Variants in ASPSCR1 observed in about 807,000 individuals in gnomAD.
ASPSCR1 encodes tether containing UBX domain for GLUT4.
ASPSCR1 carries 55 observed loss-of-function variants against 68.9 expected under a neutral mutation model. The ratio of observed to expected loss-of-function variants is 0.80; its 90% confidence interval spans 0.64 to 1.00. The LOEUF is 1.00. Among genes scored for constraint, ASPSCR1 ranks in the 50% least tolerant of loss-of-function variants. The pLI is 0.00. For synonymous variants in ASPSCR1, 352 were observed against 332.6 expected, an observed-to-expected ratio of 1.06 and a Z score of -0.63; for missense variants, 765 against 762.2, an observed-to-expected ratio of 1.00 and a Z score of -0.04.
rs1288653111 is a variant in ASPSCR1, at chr17:81,983,717, C to G, written c.273+49C>G. On this transcript the variant is annotated intron_variant, in intron 3 of 15. Coordinates refer to ENST00000306739, the MANE Select transcript of ASPSCR1 (RefSeq NM_024083.4). This position sits in a 1 kb window ranked among gnomAD's most constrained non-coding sequence, Gnocchi z 4.4. ...TGACTGTGTGGGGCACAGGATCGTT[C>G]AGCTGGCCAGGGACGGGGGACGGGA... is the stretch of plus-strand genomic sequence containing the variant. The G allele has an allele frequency of 4.7e-6, 7 of 1,486,622 alleles. No homozygotes were observed. The highest frequency in any genetic ancestry group is 5.5e-6 in the Non-Finnish European group (6 of 1,081,764). The allele number at this position is 1,486,622 out of a possible 1,614,324, so 92.1% of individuals were successfully genotyped here.
rs569853951 is a variant in ASPSCR1, at chr17:81,987,355, G to A, written c.374+1748G>A. Among the ~76,000 whole-genome samples, 61 of 152,344 alleles carry A rather than the reference G, an allele frequency of 4.0e-4. No homozygotes were observed. The highest frequency in any genetic ancestry group is 1.5e-3 in the East Asian group (8 of 5,186). ...CTGGCTCTGTGCTGCTTCCTGAGAC[G>A]AGAGTGGCAGAGGGCAAGAAGAAAA... On this transcript the variant is annotated intron_variant, in intron 4 of 15. Transcript: ENST00000306739. This position sits in a 1 kb window ranked among gnomAD's most constrained non-coding sequence, Gnocchi z 5.6.
chr17:81,987,863 C>T lies in ASPSCR1; in HGVS notation c.374+2256C>T, dbSNP rs1420833565. On this transcript the variant is annotated intron_variant, in intron 4 of 15. Transcript: ENST00000306739. This position sits in a 1 kb window ranked among gnomAD's most constrained non-coding sequence, Gnocchi z 5.6. ...ACTCCATCTCAAAAAAACAAAAAAA[C>T]AAAAGAAACAACAAGGCTGGGCACG... 6.6e-6 allele frequency among the ~76,000 whole-genome samples: 1 copy of T among 151,634 alleles called. No homozygotes were observed. The highest frequency in any genetic ancestry group is 2.4e-5 in the African/African-American group (1 of 41,262).
rs1261658159 is a variant in ASPSCR1, at chr17:81,987,646, T to C, written c.374+2039T>C. On this transcript the variant is annotated intron_variant, in intron 4 of 15. Transcript: ENST00000306739. This position sits in a 1 kb window ranked among gnomAD's most constrained non-coding sequence, Gnocchi z 5.6. Reference sequence around the variant, plus strand: ...CCGGCATTGTGGTAGCATAAGCCTCTTCAACAGACTTTGTAAACCTCGTGT... The same window carrying C: ...CCGGCATTGTGGTAGCATAAGCCTCCTCAACAGACTTTGTAAACCTCGTGT... Among the ~76,000 whole-genome samples the C allele has an allele frequency of 6.6e-6, 1 of 152,144 alleles. No individual in the cohort carries two copies. The highest frequency in any genetic ancestry group is 6.5e-5 in the Admixed American group (1 of 15,274).
Position 81,996,621 on chromosome 17 carries a change from A to T in ASPSCR1, c.708A>T (p.Ala236=). 1 of 1,611,170 alleles carries T rather than the reference A, an allele frequency of 6.2e-7. No homozygotes were observed. Among genetic ancestry groups the T allele is most frequent in the Non-Finnish European group, 8.5e-7 (1 of 1,178,478 alleles). Residue 236 remains alanine, a synonymous_variant, in exon 7 of 16, where the codon GCA becomes GCT. Coordinates refer to ENST00000306739, the MANE Select transcript of ASPSCR1 (RefSeq NM_024083.4). ...CTCAGGAGAAGCAGAGCACAAGGGC[A>T]CCCGCAGCTGCCCCCTTTGTTCCTT... is the stretch of plus-strand genomic sequence containing the variant. ...EHTQEKQSTR[A]PAAAPFVPFS...
At chr17:82,007,040 T>G (rs1206612722) in intron 7 of ASPSCR1, 2 of 152,306 alleles carry the variant, frequency 1.3e-5, no homozygotes, top group African/African-American at 2.4e-5. Context: ...TCTCCCTCTG[T>G]CATTTGGTGG....
chr17:82,012,553 G>GC (rs1433398810), intron 12 of ASPSCR1, among the ~76,000 whole-genome samples: 1 of 152,146 alleles, frequency 6.6e-6, no homozygotes, highest in African/African-American at 2.4e-5. Flanking sequence ...GGAGGTCTCG[G>GC]CCCCCCTGGG....
At position 81,999,862 on chromosome 17, in the gene ASPSCR1, G is replaced by C. The variant is rs1467741766; in HGVS notation, c.933+3016G>C. Among the ~76,000 whole-genome samples the C allele has an allele frequency of 1.3e-5, 2 of 152,184 alleles. No homozygotes were observed. The highest frequency in any genetic ancestry group is 2.9e-5 in the Non-Finnish European group (2 of 68,022). ...CGGGCGTCTGCACCGTGTTGGATGTGGGGGCTCCCATCTAGCCCGGCGTCA... is the reference window on the plus strand; with the variant it reads ...CGGGCGTCTGCACCGTGTTGGATGTCGGGGCTCCCATCTAGCCCGGCGTCA... On this transcript the variant is annotated intron_variant, in intron 7 of 15. Transcript: ENST00000306739. This position sits in a 1 kb window ranked among gnomAD's most constrained non-coding sequence, Gnocchi z 4.4.
chr17:81,991,979 A>T (rs1035059124), intron 4 of ASPSCR1, among the ~76,000 whole-genome samples: 43 of 152,352 alleles, frequency 2.8e-4, no homozygotes, highest in African/African-American at 9.4e-4. Context: ...ATGCCCTCGA[A>T]GCCAGCAGCA....
chr17:81,982,386 T>A (rs2041822631), intron 2 of ASPSCR1, among the ~76,000 whole-genome samples: 1 of 152,264 alleles, frequency 6.6e-6, no homozygotes. Context: ...TCAGGTGCCC[T>A]TTTCCTCTGC....
Position 82,012,300 on chromosome 17 carries a change from C to T in ASPSCR1, c.1353+17C>T. 1 of 1,612,528 alleles carries T rather than the reference C, an allele frequency of 6.2e-7. No homozygotes were observed. Among genetic ancestry groups the T allele is most frequent in the East Asian group, 2.2e-5 (1 of 44,870 alleles). ...CTCTTTCAGGTACCTGAGGGCCTCC[C>T]TGGGGTGCTGCGGGGCGGGGCCCTC... is the stretch of plus-strand genomic sequence containing the variant. On this transcript the variant is annotated intron_variant, in intron 12 of 15. Coordinates refer to ENST00000306739, the MANE Select transcript of ASPSCR1 (RefSeq NM_024083.4).
chr17:81,982,337 C>T (rs557359261), intron 2 of ASPSCR1, among the ~76,000 whole-genome samples: 133 of 152,336 alleles, frequency 8.7e-4, no homozygotes, highest in African/African-American at 2.5e-3. Context: ...CCAGTGAGTG[C>T]GATTTTGAGG....
chr17:82,017,010 A>C lies in ASPSCR1; in HGVS notation c.1545A>C (p.Pro515=), dbSNP rs2043155974. 1.9e-6 allele frequency: 3 copies of C among 1,612,478 alleles called. No homozygotes were observed. Among genetic ancestry groups the C allele is most frequent in the Non-Finnish European group, 2.5e-6 (3 of 1,179,898 alleles). The change falls in exon 15 of 16, where the codon CCA becomes CCC. Residue 515 remains proline (P), a synonymous_variant. Transcript: ENST00000306739. ...CTGACCCTGCACCTAAGTCTGAGCC[A>C]GCTGCTGAGGAGGGGGCGCTGGTCC... The part of the protein sequence containing the change: ...PAPDPAPKSE[P]AAEEGALVPP...
intron 2 of ASPSCR1, among the ~76,000 whole-genome samples, 185 bp downstream of exon 2, chr17:81,979,424 T>C (rs1227566260): frequency 6.6e-6 from 1 of 152,224 alleles, no homozygotes; most frequent in Non-Finnish European, 1.5e-5. Flanking sequence ...GGAGAATCCC[T>C]CCTGCCTCTT....
intron 4 of ASPSCR1, among the ~76,000 whole-genome samples, chr17:81,988,689 G>C (rs1041329040): frequency 6.6e-6 from 1 of 152,176 alleles, no homozygotes; most frequent in Non-Finnish European, 1.5e-5. Flanking sequence ...TGAATATGCT[G>C]TGGACATCTT....
At chr17:82,017,185 T>C (rs2043168077) in intron 15 of ASPSCR1, 72 bp downstream of exon 15, 1 of 1,569,472 alleles carries the variant, frequency 6.4e-7, no homozygotes, top group East Asian at 2.3e-5. Context: ...TGTGGCAGGG[T>C]CAGTGGGCTG....
intron 1 of ASPSCR1, 112 bp from the exon 2 acceptor site, chr17:81,979,072 G>A (rs2041711029): frequency 8.7e-7 from 1 of 1,153,440 alleles, no homozygotes; most frequent in Non-Finnish European, 1.3e-6. Context: ...GGCTTTGCCT[G>A]GGCAGAGCCA....
intron 9 of ASPSCR1, among the ~76,000 whole-genome samples, chr17:82,010,506 G>A (rs2042897132): frequency 1.4e-5 from 2 of 147,512 alleles, no homozygotes; most frequent in Non-Finnish European, 1.5e-5. Context: ...TCCAGCCTGG[G>A]CGACAGAGTG....
chr17:81,988,115 A>C (rs2042053345), intron 4 of ASPSCR1, among the ~76,000 whole-genome samples: 1 of 148,758 alleles, frequency 6.7e-6, no homozygotes, highest in African/African-American at 2.5e-5. Context: ...CCAAGATTGC[A>C]CTCAGCCTGG....
intron 9 of ASPSCR1, among the ~76,000 whole-genome samples, chr17:82,010,569 C>T (rs951183189): frequency 2.0e-5 from 3 of 151,818 alleles, no homozygotes; most frequent in Non-Finnish European, 4.4e-5. Context: ...CATTTGAACC[C>T]AGGTCAGTGT....
Sources: gnomAD v4.1 joint callset for allele counts (sites outside exome capture counted in the v4.1 genomes callset) on GRCh38, gnomAD v4.1.1 for gene constraint, Gnocchi (gnomAD v3.1) non-coding constraint, MANE v1.5 for transcripts, NCBI Gene and HGNC (gene_info 2026-07-23, HGNC 2026-07-21) for gene names.